NSD2: variants seen among roughly 807,000 people sequenced by gnomAD.
The protein encoded by NSD2 is histone-lysine N-methyltransferase NSD2.
NSD2 carries 12 observed loss-of-function variants against 139.0 expected under a neutral mutation model. That is an observed-to-expected ratio of 0.09 (90% CI 0.06 to 0.14). NSD2 has a LOEUF of 0.14. NSD2 is among the 10% of genes least tolerant of loss of function. The pLI is 1.00. For missense variants in NSD2, 1,155 were observed against 1,745.0 expected (o/e 0.66, Z 6.02); for synonymous variants, 669 against 648.7 (o/e 1.03, Z -0.48).
chr4:1,885,720 C>T (rs1715035062), intron 1 of NSD2, among the ~76,000 whole-genome samples: 1 of 151,926 alleles, frequency 6.6e-6, no homozygotes, highest in African/African-American at 2.4e-5. Context: ...TCTCTTGGTA[C>T]CCATGCACTG....
chr4:1,947,112 G>C, intron 9 of NSD2: 1 of 1,065,182 alleles, frequency 9.4e-7, no homozygotes, highest in Non-Finnish European at 1.1e-6. Flanking sequence ...TTGTCCTCAA[G>C]TCCTTCGCAG....
At chr4:1,941,046 A>G (rs758313681) in intron 9 of NSD2, 1 of 1,056,902 alleles carries the variant, frequency 9.5e-7, no homozygotes, top group Non-Finnish European at 1.1e-6. Flanking sequence ...GTTTGGACAC[A>G]CTGGAGAAAA....
intron 5 of NSD2, chr4:1,919,268 G>A (rs1283254380): frequency 6.6e-6 from 1 of 152,062 alleles, no homozygotes; most frequent in Admixed American, 6.6e-5. Flanking sequence ...GTGACTCCAG[G>A]TTAGCACTTT....
At position 1,951,055 on chromosome 4, in the gene NSD2, G is replaced by A. The variant is rs772951098; in HGVS notation, c.1882-17G>A. ...TTCTGCGACTAGTGAACTGTCATCC[G>A]CCTCCTTCATCTCTAGGTCTCGGAC... On this transcript the variant is annotated splice_polypyrimidine_tract_variant and intron_variant, in intron 9 of 21. Transcript: ENST00000508803. 6.8e-5 allele frequency: 110 copies of A among 1,613,342 alleles called. No homozygotes were observed. Among genetic ancestry groups the A allele is most frequent in the Non-Finnish European group, 8.5e-5 (100 of 1,179,710 alleles).
chr4:1,895,082 A>G (rs1716080984), intron 1 of NSD2, among the ~76,000 whole-genome samples: 1 of 152,194 alleles, frequency 6.6e-6, no homozygotes, highest in Admixed American at 6.5e-5. Flanking sequence ...AGTTTCTTCA[A>G]GATTCGTCCA....
chr4:1,974,872 A>G lies in NSD2; in HGVS notation c.3382A>G (p.Ile1128Val). The G allele has an allele frequency of 1.2e-6, 2 of 1,614,248 alleles. No individual in the cohort carries two copies. Among genetic ancestry groups the G allele is most frequent in the Non-Finnish European group, 1.7e-6 (2 of 1,180,034 alleles). Residue 1128 changes from isoleucine (I) to valine (V), a missense_variant, in exon 19 of 22, where the codon ATA becomes GTA. Coordinates refer to ENST00000508803, the MANE Select transcript of NSD2 (RefSeq NM_001042424.3). The surrounding 1 kb of genome is among the most constrained non-coding windows in gnomAD (Gnocchi z 4.0). ...YMLTIDKDRIIDAGPKGNYSR... is the reference protein window; with the variant it reads ...YMLTIDKDRIVDAGPKGNYSR... Reference sequence around the variant, plus strand: ...TCACTTGACCTTACAGGACCGTATAATAGACGCTGGCCCCAAAGGAAACTA... The same window carrying G: ...TCACTTGACCTTACAGGACCGTATAGTAGACGCTGGCCCCAAAGGAAACTA...
chr4:1,881,162 G>T (rs892243374), intron 1 of NSD2, among the ~76,000 whole-genome samples: 1 of 152,102 alleles, frequency 6.6e-6, no homozygotes, highest in African/African-American at 2.4e-5. Context: ...TTGAGATAGG[G>T]TCCCTCCCGG....
chr4:1,946,604 A>C, intron 9 of NSD2: 1 of 1,027,700 alleles, frequency 9.7e-7, no homozygotes, highest in Non-Finnish European at 1.2e-6. Flanking sequence ...ATTCTGATTC[A>C]TATTTTAGGA....
intron 1 of NSD2, among the ~76,000 whole-genome samples, chr4:1,885,129 TAAAA>T (rs1179922453): frequency 1.5e-4 from 23 of 150,526 alleles, no homozygotes; most frequent in African/African-American, 5.7e-4. Flanking sequence ...AAAATAAAAA[TAAAA>T]AAAATAAAAT....
chr4:1,872,589 TGTGAGAGAGAGAGAGAGAGAGAGAGAGA>T (rs1222978908), intron 1 of NSD2, among the ~76,000 whole-genome samples: 4 of 44,362 alleles, frequency 9.0e-5, no homozygotes, highest in Non-Finnish European at 2.1e-4. Context: ...TGTGTGTGTG[TGTGAGAGAGAGAGAGAGAGAGAGAGAGA>T]GAGAGAGAGA....
chr4:1,945,967 G>T, intron 9 of NSD2: 1 of 1,050,804 alleles, frequency 9.5e-7, no homozygotes, highest in Non-Finnish European at 1.1e-6. Context: ...GCTTCCTCTG[G>T]CCAGGTAGAC....
intron 2 of NSD2, among the ~76,000 whole-genome samples, chr4:1,902,108 T>C (rs58054517): frequency 0.063 from 9,575 of 152,282 alleles, 1,036 homozygotes; most frequent in African/African-American, 0.22. Flanking sequence ...TTTTTAGTTG[T>C]AACTCCTTGA....
intron 5 of NSD2, among the ~76,000 whole-genome samples, chr4:1,929,889 G>A (rs1234299438): frequency 2.0e-5 from 3 of 152,184 alleles, no homozygotes; most frequent in East Asian, 3.9e-4. Flanking sequence ...AGCACCATAG[G>A]ATTTCAAACC....
At chr4:1,914,450 T>G (rs987626256) in intron 3 of NSD2, among the ~76,000 whole-genome samples, 3 of 152,016 alleles carry the variant, frequency 2.0e-5, no homozygotes, top group African/African-American at 4.8e-5. Flanking sequence ...CTCAGCCTCC[T>G]GAGTAGCTGG....
chr4:1,975,180 C>G (rs1249281877), intron 19 of NSD2, 114 bp from the exon 20 acceptor site: 25 of 1,398,244 alleles, frequency 1.8e-5, no homozygotes, highest in Non-Finnish European at 2.5e-5. Flanking sequence ...ATGGGTCAAG[C>G]CAGTACAGAT....
rs1281608141 is a variant in NSD2, at chr4:1,872,591, T to TGTGTGAGA, written c.-30+1050_-30+1051insTGTGAGAG. 5.0e-3 allele frequency among the ~76,000 whole-genome samples: 223 copies of TGTGTGAGA among 44,866 alleles called. 4 individuals are homozygous for TGTGTGAGA. The highest frequency in any genetic ancestry group is 7.2e-3 in the Admixed American group (21 of 2,898). 29.4% of individuals were successfully genotyped at this position (44,866 alleles called of 152,430 possible). ...GTGTGTGTGTGTGTGTGTGTGTGTGTGAGAGAGAGAGAGAGAGAGAGAGAG... is the reference window on the plus strand; with the variant it reads ...GTGTGTGTGTGTGTGTGTGTGTGTGTGTGTGAGAGAGAGAGAGAGAGAGAGAGAGAGAG... On this transcript the variant is annotated intron_variant, in intron 1 of 21. Transcript: ENST00000508803.
chr4:1,967,308 G>C (rs1725988913), intron 18 of NSD2, among the ~76,000 whole-genome samples: 1 of 152,206 alleles, frequency 6.6e-6, no homozygotes, highest in Non-Finnish European at 1.5e-5. Flanking sequence ...GGCCGGGCAC[G>C]GTGGCTCATG....
At chr4:1,876,745 G>GA (rs1338677117) in intron 1 of NSD2, among the ~76,000 whole-genome samples, 1 of 151,410 alleles carries the variant, frequency 6.6e-6, no homozygotes, top group Non-Finnish European at 1.5e-5. Flanking sequence ...TGGGTGTGTA[G>GA]AAAAAATGCT....
At chr4:1,874,073 A>G (rs1194974595) in intron 1 of NSD2, among the ~76,000 whole-genome samples, 1 of 152,220 alleles carries the variant, frequency 6.6e-6, no homozygotes, top group East Asian at 1.9e-4. Flanking sequence ...TAACCTTTCT[A>G]AGTAAATAAT....
Sources: allele counts gnomAD v4.1 joint callset (sites outside exome capture counted in the v4.1 genomes callset), GRCh38; gene constraint gnomAD v4.1.1; non-coding constraint Gnocchi (gnomAD v3.1); transcripts MANE v1.5; gene names NCBI Gene and HGNC (gene_info 2026-07-23, HGNC 2026-07-21).